The following BCAS3 variants were observed in gnomAD, a reference collection of about 807,000 sequenced individuals.
BCAS3 encodes the protein BCAS4/BCAS3 fusion.
BCAS3 carries 53 observed loss-of-function variants against 116.1 expected under a neutral mutation model. The ratio of observed to expected loss-of-function variants is 0.46; its 90% CI spans 0.37 to 0.57. The LOEUF is 0.57. Among genes scored for constraint, BCAS3 ranks in the 20% least tolerant of loss-of-function variants. BCAS3 has a pLI of 0.00. For synonymous variants in BCAS3, 391 were observed against 408.2 expected, an observed-to-expected ratio of 0.96 and a Z score of 0.51; for missense variants, 917 against 1,165.4, an observed-to-expected ratio of 0.79 and a Z score of 3.10.
At chr17:60,802,371 C>CAT (rs533515914) in intron 6 of BCAS3, among the ~76,000 whole-genome samples, 4,069 of 111,820 alleles carry the variant, frequency 0.036, 130 homozygotes, top group African/African-American at 0.11. Context: ...TACATACATA[C>CAT]ATATATATAT....
chr17:61,107,876 C>T (rs2074774422), intron 22 of BCAS3, among the ~76,000 whole-genome samples: 1 of 152,174 alleles, frequency 6.6e-6, no homozygotes, highest in African/African-American at 2.4e-5. Context: ...AGCTAAAGGC[C>T]CACAAGCACA....
intron 15 of BCAS3, among the ~76,000 whole-genome samples, chr17:60,996,357 G>A (rs557234574): frequency 1.3e-5 from 2 of 152,278 alleles, no homozygotes; most frequent in South Asian, 4.1e-4. Context: ...AAGACTGTGA[G>A]AAGTCATTGG....
At position 61,226,010 on chromosome 17, in the gene BCAS3, CCT is replaced by C. The variant is rs2082353143; in HGVS notation, c.2425+141447_2425+141448del. Reference sequence around the variant, plus strand: ...ACTTTTGTAAATTGCCTGCTTTTCCCCTGTCATCTGCTAATTCCAATTTGATA... The same window carrying C: ...ACTTTTGTAAATTGCCTGCTTTTCCCGTCATCTGCTAATTCCAATTTGATA... On this transcript the variant is annotated intron_variant, in intron 22 of 23. Coordinates refer to ENST00000407086, the MANE Select transcript of BCAS3 (RefSeq NM_017679.5). This position sits in a 1 kb window ranked among gnomAD's most constrained non-coding sequence, Gnocchi z 6.0. Among the ~76,000 whole-genome samples, 2 of 152,236 alleles carry C rather than the reference CCT, an allele frequency of 1.3e-5. No homozygotes were observed. The highest frequency in any genetic ancestry group is 4.8e-5 in the African/African-American group (2 of 41,536).
intron 22 of BCAS3, among the ~76,000 whole-genome samples, chr17:61,191,705 G>T (rs2080130455): frequency 6.6e-6 from 1 of 151,672 alleles, no homozygotes; most frequent in African/African-American, 2.4e-5. Context: ...AACCTGGGAG[G>T]CAGAGCTTGC....
intron 7 of BCAS3, among the ~76,000 whole-genome samples, chr17:60,848,724 G>A: frequency 6.6e-6 from 1 of 151,154 alleles, no homozygotes. Flanking sequence ...TTTAAGTCAG[G>A]GTCTTGCTCT....
At chr17:61,108,183 A>G (rs553849694) in intron 22 of BCAS3, among the ~76,000 whole-genome samples, 1 of 152,168 alleles carries the variant, frequency 6.6e-6, no homozygotes, top group East Asian at 1.9e-4. Context: ...CTTATCTGGT[A>G]ATTTTCTTTT....
chr17:60,680,309 A>G (rs1421597036), intron 2 of BCAS3, among the ~76,000 whole-genome samples: 2 of 152,168 alleles, frequency 1.3e-5, no homozygotes, highest in Non-Finnish European at 2.9e-5. Flanking sequence ...TCAAGGGTAC[A>G]TGTGCAGGTT....
At chr17:60,887,316 ACGG>A (rs2056774289) in intron 9 of BCAS3, 1 of 129,758 alleles carries the variant, frequency 7.7e-6, no homozygotes, top group African/African-American at 4.2e-5. Context: ...CGCACGGTGC[ACGG>A]TGCGTGCACC....
chr17:60,881,156 A>G (rs925785645), intron 9 of BCAS3, among the ~76,000 whole-genome samples: 2 of 151,992 alleles, frequency 1.3e-5, no homozygotes, highest in African/African-American at 4.8e-5. Context: ...TTGTATTTTT[A>G]GTAGAGATGG....
intron 22 of BCAS3, among the ~76,000 whole-genome samples, chr17:61,253,797 G>C (rs2144558026): frequency 6.6e-6 from 1 of 152,098 alleles, no homozygotes; most frequent in Admixed American, 6.6e-5. Context: ...TATAGTTTTA[G>C]TTGAAAGAGA....
intron 11 of BCAS3, among the ~76,000 whole-genome samples, chr17:60,907,532 G>C (rs1191270231): frequency 6.6e-6 from 1 of 152,164 alleles, no homozygotes; most frequent in Admixed American, 6.5e-5. Flanking sequence ...GCTTGCAGCA[G>C]AACAGAATAA....
intron 16 of BCAS3, among the ~76,000 whole-genome samples, chr17:61,018,843 C>A (rs1448034049): frequency 1.3e-5 from 2 of 152,122 alleles, no homozygotes; most frequent in Admixed American, 1.3e-4. Context: ...GAACGTACTT[C>A]ATTAGTTTTT....
Position 61,038,014 on chromosome 17 carries a change from G to A in BCAS3, c.1888G>A (p.Glu630Lys). 2 of 1,614,152 alleles carry A rather than the reference G, an allele frequency of 1.2e-6. No individual in the cohort carries two copies. The highest frequency in any genetic ancestry group is 1.7e-6 in the Non-Finnish European group (2 of 1,180,034). Residue 630 changes from glutamate (E) to lysine (K), a missense_variant, in exon 18 of 24, where the codon GAA (glutamate) becomes AAA (lysine). Physicochemically the swap from Glu to Lys is moderately conservative, Grantham distance 56 (BLOSUM62 1). Coordinates refer to ENST00000407086, the MANE Select transcript of BCAS3 (RefSeq NM_017679.5). ...CAAGATTAGTGACGACACACCACTG[G>A]AAATGATGACATCGCCTCGAGCCAG... Reference protein sequence around the residue: ...APKISDDTPLEMMTSPRASWT... With the variant: ...APKISDDTPLKMMTSPRASWT...
rs1487722235 is a variant in BCAS3 at position 61,139,810 on chromosome 17, G to C, written c.2425+55246G>C. 1.3e-5 allele frequency among the ~76,000 whole-genome samples: 2 copies of C among 152,142 alleles called. No individual in the cohort carries two copies. Among genetic ancestry groups the C allele is most frequent in the Non-Finnish European group, 2.9e-5 (2 of 68,010 alleles). Reference sequence around the variant, plus strand: ...AGATGGAGTTCTCTCAGAATGCAAAGAAAGGTAAAATTTGTTGTAATGGGT... The same window carrying C: ...AGATGGAGTTCTCTCAGAATGCAAACAAAGGTAAAATTTGTTGTAATGGGT... On this transcript the variant is annotated intron_variant, in intron 22 of 23. Transcript: ENST00000407086. This position sits in a 1 kb window ranked among gnomAD's most constrained non-coding sequence, Gnocchi z 4.7.
intron 2 of BCAS3, among the ~76,000 whole-genome samples, chr17:60,681,226 G>A (rs1378454435): frequency 5.9e-5 from 9 of 151,990 alleles, no homozygotes; most frequent in Admixed American, 6.6e-5. Flanking sequence ...ATGTCTGGGC[G>A]CAGTGGCTCA....
At chr17:61,247,952 T>C (rs1602173991) in intron 22 of BCAS3, among the ~76,000 whole-genome samples, 1 of 152,318 alleles carries the variant, frequency 6.6e-6, no homozygotes, top group Admixed American at 6.5e-5. Flanking sequence ...TGGTTACAAC[T>C]TGCGGCATTG....
intron 6 of BCAS3, among the ~76,000 whole-genome samples, chr17:60,754,751 C>A (rs528281995): frequency 6.7e-6 from 1 of 148,172 alleles, no homozygotes; most frequent in East Asian, 2.0e-4. Context: ...AGAGTCTGTT[C>A]AGCCGAAACA....
intron 22 of BCAS3, among the ~76,000 whole-genome samples, chr17:61,148,679 G>A (rs541471278): frequency 6.6e-6 from 1 of 152,132 alleles, no homozygotes; most frequent in Non-Finnish European, 1.5e-5. Flanking sequence ...ATCCCTACAA[G>A]ATAGGTATAA....
intron 7 of BCAS3, among the ~76,000 whole-genome samples, chr17:60,826,934 G>A (rs1402267542): frequency 1.3e-5 from 2 of 152,152 alleles, no homozygotes; most frequent in Non-Finnish European, 2.9e-5. Context: ...TGCTTGTAGT[G>A]ATATTTCTGT....
Sources: gnomAD v4.1 joint callset for allele counts (sites outside exome capture counted in the v4.1 genomes callset) on GRCh38, gnomAD v4.1.1 for gene constraint, Gnocchi (gnomAD v3.1) non-coding constraint, MANE v1.5 for transcripts, NCBI Gene and HGNC (gene_info 2026-07-23, HGNC 2026-07-21) for gene names.